CSMD2: variants seen among roughly 807,000 people sequenced by gnomAD.
The protein encoded by CSMD2 is CUB and Sushi multiple domains 2, also known as CUB and sushi domain-containing protein 2.
CSMD2 carries 130 observed loss-of-function variants against 398.5 expected under a neutral mutation model. That is an observed-to-expected ratio of 0.33 (90% CI 0.28 to 0.38). The LOEUF (loss-of-function observed/expected upper bound fraction) is 0.38. Ranked by LOEUF, CSMD2 falls within the 10% of genes least tolerant of loss-of-function variation. The pLI, the probability that CSMD2 is intolerant of heterozygous loss-of-function variation, is 1.00. For synonymous variants in CSMD2, 1,828 were observed against 1,908.5 expected, an observed-to-expected ratio of 0.96 and a Z score of 1.10; for missense variants, 3,829 against 4,764.9, an observed-to-expected ratio of 0.80 and a Z score of 5.78.
Position 34,049,563 on chromosome 1 carries a change from G to A in CSMD2, c.405-16857C>T, listed in dbSNP as rs551894081. Among the ~76,000 whole-genome samples the A allele has an allele frequency of 1.1e-4, 16 of 152,230 alleles. No homozygotes were observed. In the East Asian group the frequency reaches 3.1e-3, roughly 29 times the overall value. On this transcript the variant is annotated intron_variant, in intron 2 of 70. Transcript: ENST00000373381. ...TGCCATCTTTTGAATCACTTTTAGTGACATACTGTAAAACAGGGACTTGCT... is the reference window on the plus strand; with the variant it reads ...TGCCATCTTTTGAATCACTTTTAGTAACATACTGTAAAACAGGGACTTGCT...
At chr1:33,965,207 A>G (rs1645515275) in intron 3 of CSMD2, among the ~76,000 whole-genome samples, 1 of 152,188 alleles carries the variant, frequency 6.6e-6, no homozygotes, top group Non-Finnish European at 1.5e-5. Context: ...CGTGGAGTGA[A>G]GAAGGCCCTC....
At chr1:33,891,093 T>G (rs993724211) in intron 5 of CSMD2, among the ~76,000 whole-genome samples, 30 of 151,942 alleles carry the variant, frequency 2.0e-4, no homozygotes, top group Admixed American at 3.9e-4. Context: ...CAAAAGAAAC[T>G]ACCATCAGAG....
intron 2 of CSMD2, among the ~76,000 whole-genome samples, chr1:34,079,056 C>T (rs372740562): frequency 5.3e-5 from 8 of 152,290 alleles, no homozygotes; most frequent in East Asian, 3.9e-4. Flanking sequence ...CTGCCCTCCA[C>T]CCCAGTGCAT....
chr1:33,925,480 T>C (rs543690551), intron 4 of CSMD2, among the ~76,000 whole-genome samples: 3 of 152,384 alleles, frequency 2.0e-5, no homozygotes, highest in African/African-American at 7.2e-5. Flanking sequence ...GGTAGAATGA[T>C]GCTTCCAGCT....
intron 1 of CSMD2, among the ~76,000 whole-genome samples, chr1:34,092,750 A>G (rs1288443462): frequency 6.6e-6 from 1 of 152,294 alleles, no homozygotes; most frequent in South Asian, 2.1e-4. Flanking sequence ...CCTGGCTCGG[A>G]GGGTCCTACC....
chr1:34,148,401 A>G (rs1185757508), intron 1 of CSMD2, among the ~76,000 whole-genome samples: 7 of 152,196 alleles, frequency 4.6e-5, no homozygotes, highest in Admixed American at 4.6e-4. Flanking sequence ...TTGGTGCAGC[A>G]ACAGAAAACA....
chr1:33,763,930 T>G (rs1252464125), intron 13 of CSMD2, among the ~76,000 whole-genome samples: 1 of 152,186 alleles, frequency 6.6e-6, no homozygotes, highest in South Asian at 2.1e-4. Flanking sequence ...GTCCAAGGAC[T>G]GGGCTTCTAT....
chr1:33,557,220 A>G (rs1007866730), intron 55 of CSMD2, among the ~76,000 whole-genome samples: 1 of 152,212 alleles, frequency 6.6e-6, no homozygotes, highest in Non-Finnish European at 1.5e-5. Context: ...ATAGATGAAG[A>G]AACTGACGCT....
chr1:34,063,951 A>T (rs1654822314), intron 2 of CSMD2, among the ~76,000 whole-genome samples: 1 of 152,194 alleles, frequency 6.6e-6, no homozygotes, highest in Non-Finnish European at 1.5e-5. Context: ...GAAGCTGCCA[A>T]GGCTTGGGGC....
At chr1:33,691,915 C>G (rs1453205147) in intron 25 of CSMD2, among the ~76,000 whole-genome samples, 1 of 152,144 alleles carries the variant, frequency 6.6e-6, no homozygotes, top group African/African-American at 2.4e-5. Context: ...TACTGCTACC[C>G]CAACCTGCTC....
At chr1:33,709,292 C>T (rs1297668442) in intron 21 of CSMD2, 34 bp from the exon 22 acceptor site, 6 of 1,582,248 alleles carry the variant, frequency 3.8e-6, no homozygotes, top group Non-Finnish European at 4.3e-6. Flanking sequence ...ATAGATTAAC[C>T]CCCATCAGCT....
At chr1:33,818,597 A>AT (rs1036596706) in intron 9 of CSMD2, among the ~76,000 whole-genome samples, 2 of 152,166 alleles carry the variant, frequency 1.3e-5, no homozygotes, top group African/African-American at 4.8e-5. Flanking sequence ...TTGTTGTTTG[A>AT]TTTTTTAAAA....
chr1:34,093,467 A>G (rs1481445694), intron 1 of CSMD2, among the ~76,000 whole-genome samples: 23 of 150,414 alleles, frequency 1.5e-4, no homozygotes, highest in Non-Finnish European at 1.3e-4. Flanking sequence ...TCTGAGCTAC[A>G]GGAGGACATT....
chr1:33,842,563 G>A (rs1037793149), intron 6 of CSMD2, among the ~76,000 whole-genome samples: 1 of 152,016 alleles, frequency 6.6e-6, no homozygotes, highest in Non-Finnish European at 1.5e-5. Flanking sequence ...AACTTTTTCT[G>A]TAAAGGGCCT....
chr1:33,693,054 C>G lies in CSMD2; in HGVS notation c.3928G>C (p.Glu1310Gln). Reference sequence around the variant, plus strand: ...TCTCCTCTCACTGTCCCTCCACACTCGGCTGAAAGAAATCCCAAAAGAGTG... The same window carrying G: ...TCTCCTCTCACTGTCCCTCCACACTGGGCTGAAAGAAATCCCAAAAGAGTG... ...WDRPLPTCVA[E>Q]CGGTVRGEVS... Residue 1310 changes from glutamate (E) to glutamine (Q), a missense_variant and splice_region_variant, in exon 25 of 71, where the codon GAG becomes CAG. Around this residue, in one of 5 missense-constraint regions of CSMD2, gnomAD observed 2,001 missense variants for 2,567.1 expected, o/e 0.78. Transcript: ENST00000373381. 1 of 1,591,460 alleles carries G rather than the reference C, an allele frequency of 6.3e-7. No homozygotes were observed. The highest frequency in any genetic ancestry group is 8.5e-7 in the Non-Finnish European group (1 of 1,171,164).
chr1:33,766,214 T>C (rs1557861555), intron 13 of CSMD2, among the ~76,000 whole-genome samples: 1 of 152,156 alleles, frequency 6.6e-6, no homozygotes, highest in Admixed American at 6.5e-5. Flanking sequence ...TATGTGTGCG[T>C]CAATGTATCT....
chr1:33,771,052 C>T (rs748707819), intron 13 of CSMD2, among the ~76,000 whole-genome samples: 1 of 152,220 alleles, frequency 6.6e-6, no homozygotes, highest in African/African-American at 2.4e-5. Context: ...TTATCCTGGT[C>T]CTAAGAGGCT....
Position 33,600,946 on chromosome 1 carries a change from C to T in CSMD2, c.6775G>A (p.Val2259Met), listed in dbSNP as rs147782423. Residue 2259 changes from valine to methionine, a missense_variant, in exon 44 of 71, where the codon GTG becomes ATG. Around this residue, in one of 5 missense-constraint regions of CSMD2, gnomAD observed 723 missense variants for 758.6 expected, o/e 0.95. Coordinates refer to ENST00000373381, the MANE Select transcript of CSMD2 (RefSeq NM_001281956.2). ...AGGACCTGGTTGGATGAACTCTGCA[C>T]TGTTTTCTTGGCCATGCTCCGGGTG... ...VFTRSMAKKTVQSSSNQVLLK... is the reference protein window; with the variant it reads ...VFTRSMAKKTMQSSSNQVLLK... 69 of 1,614,074 alleles carry T rather than the reference C, an allele frequency of 4.3e-5. No homozygotes were observed. The highest frequency in any genetic ancestry group is 5.8e-5 in the Non-Finnish European group (68 of 1,180,054).
intron 5 of CSMD2, among the ~76,000 whole-genome samples, chr1:33,905,643 G>A (rs1338342257): frequency 6.6e-6 from 1 of 152,178 alleles, no homozygotes; most frequent in African/African-American, 2.4e-5. Flanking sequence ...TTTTTATTTT[G>A]ATTTTAGGTG....
Sources: gnomAD v4.1 joint callset for allele counts (sites outside exome capture counted in the v4.1 genomes callset) on GRCh38, gnomAD v4.1.1 for gene constraint, gnomAD v4.1.1 regional missense constraint, MANE v1.5 for transcripts, NCBI Gene and HGNC (gene_info 2026-07-23, HGNC 2026-07-21) for gene names.